Variants in HTR1E observed in about 807,000 individuals in gnomAD.
HTR1E encodes the protein 5-HT-1E.
A neutral mutation model predicts 3.4 loss-of-function variants in HTR1E; 3 were observed. That is an observed-to-expected ratio of 0.89 (90% CI 0.41 to 2.31). The LOEUF (loss-of-function observed/expected upper bound fraction) is 2.31, where lower values mean the gene tolerates loss of function less well. Among genes scored for constraint, HTR1E ranks in the 30% most tolerant of loss-of-function variants. The pLI is 0.05. For synonymous variants in HTR1E, 170 were observed against 182.8 expected (o/e 0.93, Z 0.56); for missense variants, 392 against 467.0 (o/e 0.84, Z 1.48).
At chr6:86,938,166 G>T (rs73497519) in intron 1 of HTR1E, among the ~76,000 whole-genome samples, 2 of 152,150 alleles carry the variant, frequency 1.3e-5, no homozygotes, top group Admixed American at 6.5e-5. Context: ...GTGCTGGGGG[G>T]GGCCAGGGAA....
chr6:86,946,036 G>A (rs1243277205), intron 1 of HTR1E, among the ~76,000 whole-genome samples: 1 of 152,262 alleles, frequency 6.6e-6, no homozygotes, highest in South Asian at 2.1e-4. Flanking sequence ...ACCACACCCG[G>A]CCTAATTAAA....
chr6:86,950,867 G>T (rs79916940), intron 1 of HTR1E, among the ~76,000 whole-genome samples: 462 of 152,182 alleles, frequency 3.0e-3, no homozygotes, highest in Non-Finnish European at 5.7e-3. Context: ...CTATAACAGG[G>T]GCAAACTTGG....
intron 1 of HTR1E, among the ~76,000 whole-genome samples, chr6:86,950,614 A>G (rs1430850226): frequency 6.6e-6 from 1 of 152,232 alleles, no homozygotes; most frequent in Non-Finnish European, 1.5e-5. Context: ...AAATGAGAAA[A>G]TGTATGCAAT....
chr6:86,968,749 T>C (rs1269931283), intron 1 of HTR1E, among the ~76,000 whole-genome samples: 2 of 152,172 alleles, frequency 1.3e-5, no homozygotes, highest in Non-Finnish European at 2.9e-5. Flanking sequence ...TTTCCTAGTG[T>C]GGCATTCGTT....
intron 1 of HTR1E, among the ~76,000 whole-genome samples, chr6:86,938,490 G>C (rs1001556012): frequency 8.5e-5 from 13 of 152,156 alleles, no homozygotes; most frequent in Admixed American, 8.5e-4. Flanking sequence ...AAAAGGAAAG[G>C]AAATTGAGTC....
At chr6:86,951,028 G>A (rs993176053) in intron 1 of HTR1E, among the ~76,000 whole-genome samples, 2 of 152,102 alleles carry the variant, frequency 1.3e-5, no homozygotes, top group African/African-American at 4.8e-5. Context: ...ATTTGGGGAG[G>A]AGTGTTCAAT....
intron 1 of HTR1E, among the ~76,000 whole-genome samples, chr6:86,999,466 G>A (rs1224137012): frequency 1.3e-5 from 2 of 152,084 alleles, no homozygotes; most frequent in African/African-American, 4.8e-5. Flanking sequence ...CTCACTGAGG[G>A]CTAACATACA....
chr6:87,007,472 G>A (rs984785051), intron 1 of HTR1E, among the ~76,000 whole-genome samples: 1 of 152,068 alleles, frequency 6.6e-6, no homozygotes, highest in Non-Finnish European at 1.5e-5. Flanking sequence ...AAATAACAGA[G>A]TACAATTGGA....
At position 87,016,303 on chromosome 6, in the gene HTR1E, G is replaced by A. The variant is rs773165418; in HGVS notation, c.969G>A (p.Ser323=). ...IVGLSIYTVS[S]EVADFLTWLG... ...GTCTGAGCATCTACACCGTGTCCTC[G>A]GAAGTGGCCGACTTTCTGACGTGGC... Residue 323 remains serine, a synonymous_variant, in exon 2 of 2, where the codon TCG becomes TCA. Coordinates refer to ENST00000305344, the MANE Select transcript of HTR1E (RefSeq NM_000865.3). 18 of 1,614,046 alleles carry A rather than the reference G, an allele frequency of 1.1e-5. No homozygotes were observed. The highest frequency in any genetic ancestry group is 5.0e-5 in the Admixed American group (3 of 60,000).
intron 1 of HTR1E, among the ~76,000 whole-genome samples, chr6:86,949,937 G>A: frequency 6.6e-6 from 1 of 152,110 alleles, no homozygotes; most frequent in South Asian, 2.1e-4. Context: ...CAAGCACTGA[G>A]TGAACGTATT....
chr6:86,948,705 C>T (rs1767162171), intron 1 of HTR1E, among the ~76,000 whole-genome samples: 1 of 152,120 alleles, frequency 6.6e-6, no homozygotes, highest in African/African-American at 2.4e-5. Flanking sequence ...TGACATGGGA[C>T]CCAGGCCCAT....
At chr6:86,982,517 T>C (rs1435712315) in intron 1 of HTR1E, among the ~76,000 whole-genome samples, 2 of 152,160 alleles carry the variant, frequency 1.3e-5, no homozygotes, top group African/African-American at 4.8e-5. Flanking sequence ...CAGGAATGGG[T>C]CAGCCCTGAA....
intron 1 of HTR1E, among the ~76,000 whole-genome samples, chr6:86,954,367 C>G (rs1378160559): frequency 6.6e-6 from 1 of 152,126 alleles, no homozygotes; most frequent in Non-Finnish European, 1.5e-5. Flanking sequence ...GTATATAAGA[C>G]CCTAGAGGCC....
chr6:87,008,883 C>A (rs1440459102), intron 1 of HTR1E, among the ~76,000 whole-genome samples: 2 of 152,190 alleles, frequency 1.3e-5, no homozygotes, highest in Non-Finnish European at 2.9e-5. Flanking sequence ...AGCTGTGTCT[C>A]AATCACAATC....
intron 1 of HTR1E, among the ~76,000 whole-genome samples, chr6:87,009,985 G>A (rs1768183198): frequency 7.7e-6 from 1 of 129,338 alleles, no homozygotes; most frequent in Non-Finnish European, 1.6e-5. Context: ...TCACCTCCCA[G>A]ACGGGGTGGC....
intron 1 of HTR1E, among the ~76,000 whole-genome samples, chr6:86,980,643 G>A (rs990042487): frequency 3.3e-5 from 5 of 152,036 alleles, no homozygotes; most frequent in South Asian, 2.1e-4. Flanking sequence ...ACAACTTTAC[G>A]GATATAAACA....
intron 1 of HTR1E, among the ~76,000 whole-genome samples, chr6:86,979,183 T>C (rs907701622): frequency 2.6e-5 from 4 of 152,240 alleles, no homozygotes; most frequent in Non-Finnish European, 5.9e-5. Context: ...TTTTGCACAG[T>C]TTAGATTCAT....
At chr6:87,000,388 A>T (rs1768003018) in intron 1 of HTR1E, 1 of 152,240 alleles carries the variant, frequency 6.6e-6, no homozygotes, top group Non-Finnish European at 1.5e-5. Flanking sequence ...TCAATATTCA[A>T]GTACAAGAAG....
At chr6:87,008,341 A>G (rs1171267416) in intron 1 of HTR1E, among the ~76,000 whole-genome samples, 1 of 152,188 alleles carries the variant, frequency 6.6e-6, no homozygotes, top group Non-Finnish European at 1.5e-5. Flanking sequence ...AGTAAATTTA[A>G]CAAACAGAAA....
Sources: allele counts gnomAD v4.1 joint callset (sites outside exome capture counted in the v4.1 genomes callset), GRCh38; gene constraint gnomAD v4.1.1; transcripts MANE v1.5; gene names NCBI Gene and HGNC (gene_info 2026-07-23, HGNC 2026-07-21).